LAMA2: variants seen among roughly 807,000 people sequenced by gnomAD.
LAMA2 encodes the protein laminin subunit alpha-2.
Under a neutral mutation model 364.8 loss-of-function variants are expected in LAMA2, and 269 were observed. The observed-to-expected ratio is 0.74, with a 90% confidence interval of 0.67 to 0.82. The LOEUF is 0.82. Among genes scored for constraint, LAMA2 ranks in the 40% least tolerant of loss-of-function variants. The pLI, the probability that LAMA2 is intolerant of heterozygous loss-of-function variation, is 0.00. For synonymous variants in LAMA2, 1,379 were observed against 1,370.6 expected, an observed-to-expected ratio of 1.01 and a Z score of -0.14; for missense variants, 3,807 against 3,873.2, an observed-to-expected ratio of 0.98 and a Z score of 0.45.
At chr6:129,273,420 G>A (rs1411598588) in intron 17 of LAMA2, among the ~76,000 whole-genome samples, 1 of 152,142 alleles carries the variant, frequency 6.6e-6, no homozygotes, top group East Asian at 1.9e-4. Flanking sequence ...CAATCCAGCA[G>A]AGCTGGCTGC....
chr6:129,126,065 T>C (rs1419437949), intron 4 of LAMA2, among the ~76,000 whole-genome samples: 4 of 152,210 alleles, frequency 2.6e-5, no homozygotes, highest in African/African-American at 9.7e-5. Context: ...GTAATTAATA[T>C]CATTAAGAAA....
At chr6:129,502,861 A>C (rs1166830434) in intron 59 of LAMA2, 90 bp downstream of exon 59, 1 of 927,510 alleles carries the variant, frequency 1.1e-6, no homozygotes, top group Non-Finnish European at 1.8e-6. Context: ...TACACTTATT[A>C]ATTAATGAAG....
In LAMA2 at chr6:128,938,393, ATTATT is replaced by A. The variant is rs371760431; in HGVS notation, c.112+55041_112+55045del. Among the ~76,000 whole-genome samples the A allele has an allele frequency of 4.4e-3, 671 of 152,304 alleles. 6 individuals carry two copies. Among genetic ancestry groups the A allele is most frequent in the African/African-American group, 0.015 (627 of 41,572 alleles). ...AGAGTGCTAGACACTGTTTGCATGA[ATTATT>A]TTATATGATCTCACCACAACCTTAT... On this transcript the variant is annotated intron_variant, in intron 1 of 64. Coordinates refer to ENST00000421865, the MANE Select transcript of LAMA2 (RefSeq NM_000426.4).
chr6:129,475,251 A>G, intron 52 of LAMA2, 139 bp from the exon 53 acceptor site: 3 of 581,380 alleles, frequency 5.2e-6, no homozygotes, highest in Admixed American at 3.0e-5. Flanking sequence ...GGGCTTTTGC[A>G]TTTCTTTCCT....
intron 32 of LAMA2, 89 bp downstream of exon 32, chr6:129,353,446 G>A (rs767820073): frequency 4.3e-5 from 44 of 1,013,714 alleles, no homozygotes; most frequent in Non-Finnish European, 5.5e-5. Flanking sequence ...CTCCCCGCCC[G>A]CCTTTTTTTT....
chr6:129,325,865 A>G (rs894570654), intron 28 of LAMA2, among the ~76,000 whole-genome samples: 2 of 152,074 alleles, frequency 1.3e-5, no homozygotes, highest in African/African-American at 4.8e-5. Flanking sequence ...TTTGAGATGG[A>G]GTCTCGCTTT....
At chr6:129,445,280 C>T (rs1782309374) in intron 44 of LAMA2, among the ~76,000 whole-genome samples, 1 of 152,144 alleles carries the variant, frequency 6.6e-6, no homozygotes, top group Non-Finnish European at 1.5e-5. Context: ...ACAGTTCTGG[C>T]TTGGACAGAC....
intron 63 of LAMA2, 51 bp downstream of exon 63, chr6:129,512,544 G>A (rs759751347): frequency 6.3e-7 from 1 of 1,588,010 alleles, no homozygotes. Flanking sequence ...TATTGTTGAT[G>A]TGTAGATATC....
At chr6:129,038,184 C>T (rs1198779297) in intron 1 of LAMA2, among the ~76,000 whole-genome samples, 5 of 152,160 alleles carry the variant, frequency 3.3e-5, no homozygotes, top group Middle Eastern at 3.2e-3. Context: ...GGTCATTGTA[C>T]AACCATTGAG....
intron 12 of LAMA2, among the ~76,000 whole-genome samples, chr6:129,206,154 A>G (rs140806976): frequency 3.1e-5 from 4 of 128,418 alleles, no homozygotes; most frequent in East Asian, 2.2e-4. Flanking sequence ...GGAAGGAAGG[A>G]AGGAAGGAAG....
chr6:129,330,591 G>GTTT (rs1491387157), intron 29 of LAMA2, among the ~76,000 whole-genome samples: 2,231 of 83,080 alleles, frequency 0.027, 113 homozygotes, highest in East Asian at 0.053. Context: ...GTTGTTGTTT[G>GTTT]GTTTTTGTTT....
intron 1 of LAMA2, among the ~76,000 whole-genome samples, chr6:128,958,902 T>C (rs2114587379): frequency 6.6e-6 from 1 of 152,260 alleles, no homozygotes; most frequent in South Asian, 2.1e-4. Context: ...ATTTAAACAT[T>C]TTAGACATTA....
chr6:128,902,557 A>G (rs1423137553), intron 1 of LAMA2, among the ~76,000 whole-genome samples: 3 of 152,224 alleles, frequency 2.0e-5, no homozygotes, highest in African/African-American at 7.2e-5. Flanking sequence ...TGACAAAAGT[A>G]ATTGGACAAA....
intron 12 of LAMA2, among the ~76,000 whole-genome samples, chr6:129,233,540 G>T (rs265367): frequency 0.79 from 119,401 of 152,074 alleles, 47,468 homozygotes; most frequent in Non-Finnish European, 0.85. Context: ...AAATATATTT[G>T]TGTTAATCAA....
At chr6:129,017,768 C>A (rs4337952) in intron 1 of LAMA2, among the ~76,000 whole-genome samples, 93,282 of 151,878 alleles carry the variant, frequency 0.61, 30,742 homozygotes, top group East Asian at 0.96. Context: ...TTTTTTCTAA[C>A]GCCATTATTT....
intron 48 of LAMA2, among the ~76,000 whole-genome samples, chr6:129,458,823 T>C (rs761660754): frequency 1.3e-5 from 2 of 152,074 alleles, no homozygotes; most frequent in Non-Finnish European, 2.9e-5. Context: ...CTGTACAGTC[T>C]ATGCTTTTAA....
chr6:129,181,731 G>A (rs1387804312), intron 10 of LAMA2, among the ~76,000 whole-genome samples: 2 of 151,782 alleles, frequency 1.3e-5, no homozygotes, highest in Non-Finnish European at 2.9e-5. Flanking sequence ...CAGAAGTTTA[G>A]CAGAAGTTGC....
chr6:129,438,483 A>T (rs2114760655), intron 41 of LAMA2, among the ~76,000 whole-genome samples, 163 bp from the exon 42 acceptor site: 1 of 152,028 alleles, frequency 6.6e-6, no homozygotes, highest in East Asian at 1.9e-4. Context: ...ACATATTTTT[A>T]AAATATGATT....
chr6:128,908,799 T>G (rs1322584421), intron 1 of LAMA2, among the ~76,000 whole-genome samples: 1 of 150,028 alleles, frequency 6.7e-6, no homozygotes, highest in Non-Finnish European at 1.5e-5. Context: ...CTCTACACAC[T>G]GCTTTGAATG....
Sources: allele counts gnomAD v4.1 joint callset (sites outside exome capture counted in the v4.1 genomes callset), GRCh38; gene constraint gnomAD v4.1.1; transcripts MANE v1.5; gene names NCBI Gene and HGNC (gene_info 2026-07-23, HGNC 2026-07-21).